Variants in CERKL observed in about 807,000 individuals in gnomAD.
CERKL encodes ceramide kinase-like protein.
Under a neutral mutation model 63.4 loss-of-function variants are expected in CERKL, and 61 were observed. The observed-to-expected ratio is 0.96, with a 90% CI of 0.78 to 1.19. CERKL has a LOEUF of 1.19. CERKL is among the 50% of genes most tolerant of loss of function. The pLI is 0.00. For synonymous variants in CERKL, 250 were observed against 230.5 expected (o/e 1.08, Z -0.77); for missense variants, 675 against 655.5 (o/e 1.03, Z -0.33).
intron 2 of CERKL, among the ~76,000 whole-genome samples, chr2:181,576,112 G>C (rs1368706177): frequency 6.6e-6 from 1 of 152,156 alleles, no homozygotes; most frequent in African/African-American, 2.4e-5. Flanking sequence ...CCAACTTCAT[G>C]AGTAATACTG....
intron 2 of CERKL, among the ~76,000 whole-genome samples, chr2:181,579,840 T>C (rs1182795166): frequency 6.6e-6 from 1 of 151,890 alleles, no homozygotes; most frequent in Non-Finnish European, 1.5e-5. Context: ...CATTGGAAAA[T>C]CCATCTTTCC....
intron 1 of CERKL, among the ~76,000 whole-genome samples, chr2:181,643,745 C>T (rs1198937082): frequency 6.6e-6 from 1 of 152,184 alleles, no homozygotes; most frequent in Non-Finnish European, 1.5e-5. Flanking sequence ...ATCTCTGTCA[C>T]AGAGATCCCT....
intron 1 of CERKL, among the ~76,000 whole-genome samples, chr2:181,622,256 G>A (rs749887086): frequency 1.7e-4 from 26 of 152,168 alleles, no homozygotes; most frequent in African/African-American, 2.7e-4. Flanking sequence ...AGCTCAAGCC[G>A]CATGCTCTTT....
chr2:181,594,637 T>C (rs1433528056), intron 2 of CERKL, among the ~76,000 whole-genome samples: 1 of 152,188 alleles, frequency 6.6e-6, no homozygotes, highest in African/African-American at 2.4e-5. Context: ...ATAACAAAGG[T>C]GTGAAACTAG....
intron 11 of CERKL, among the ~76,000 whole-genome samples, 193 bp from the exon 12 acceptor site, chr2:181,539,457 T>C (rs535097533): frequency 6.6e-6 from 1 of 152,268 alleles, no homozygotes; most frequent in African/African-American, 2.4e-5. Flanking sequence ...TTTTGGGTTC[T>C]TTTAGATCTA....
At chr2:181,565,962 A>AT (rs1396247586) in intron 4 of CERKL, 96 bp downstream of exon 4, 1 of 821,754 alleles carries the variant, frequency 1.2e-6, no homozygotes, top group Admixed American at 1.9e-5. Context: ...CACTACAAAT[A>AT]TTTTTAAATG....
intron 2 of CERKL, among the ~76,000 whole-genome samples, chr2:181,595,825 T>C (rs1162945858): frequency 2.0e-5 from 3 of 152,200 alleles, no homozygotes; most frequent in Non-Finnish European, 4.4e-5. Flanking sequence ...TTTATTTCCC[T>C]TCTTACATGA....
At chr2:181,539,596 T>A (rs896120737) in intron 11 of CERKL, among the ~76,000 whole-genome samples, 55 of 152,188 alleles carry the variant, frequency 3.6e-4, no homozygotes, top group African/African-American at 1.3e-3. Flanking sequence ...AGACATATAA[T>A]CCATTATCAA....
chr2:181,566,624 A>T (rs778564509), intron 3 of CERKL, among the ~76,000 whole-genome samples: 2 of 152,188 alleles, frequency 1.3e-5, no homozygotes, highest in African/African-American at 2.4e-5. Context: ...GGATGTGAAA[A>T]TACAAAGTAA....
chr2:181,643,301 TAAAC>T (rs138288175), intron 1 of CERKL, among the ~76,000 whole-genome samples: 81 of 152,336 alleles, frequency 5.3e-4, no homozygotes, highest in African/African-American at 1.9e-3. Context: ...TCAGACATGT[TAAAC>T]AACCTGTCCA....
At chr2:181,538,322 C>A in intron 12 of CERKL, 78 bp from the exon 13 acceptor site, 1 of 799,744 alleles carries the variant, frequency 1.3e-6, no homozygotes. Flanking sequence ...TACACAATGC[C>A]AATGCCAAAT....
chr2:181,605,230 G>C (rs10930972), intron 1 of CERKL, among the ~76,000 whole-genome samples: 20,828 of 152,146 alleles, frequency 0.14, 1,637 homozygotes, highest in East Asian at 0.25. Context: ...GTGGGGCCTG[G>C]TGATCTCCCT....
At chr2:181,584,364 T>C (rs1448838030) in intron 2 of CERKL, among the ~76,000 whole-genome samples, 1 of 151,714 alleles carries the variant, frequency 6.6e-6, no homozygotes, top group African/African-American at 2.4e-5. Flanking sequence ...AAAAAAAAGT[T>C]GGCTGGATAC....
At position 181,550,948 on chromosome 2, in the gene CERKL, C is replaced by G. The variant is rs1687957197; in HGVS notation, c.821-1240G>C. Among the ~76,000 whole-genome samples the G allele has an allele frequency of 1.3e-5, 2 of 152,184 alleles. No homozygotes were observed. Among genetic ancestry groups the G allele is most frequent in the South Asian group, 2.1e-4 (1 of 4,824 alleles). On this transcript the variant is annotated intron_variant, in intron 5 of 12. Transcript: ENST00000410087. The surrounding 1 kb of genome is among the most constrained non-coding windows in gnomAD (Gnocchi z 4.5). ...GCAAGTTATGCTGTGACCCTTGTTA[C>G]TCAAAATACGGCCTACTGTCAAACA...
intron 1 of CERKL, among the ~76,000 whole-genome samples, chr2:181,624,371 T>C (rs1280771637): frequency 2.2e-5 from 3 of 138,668 alleles, no homozygotes; most frequent in Non-Finnish European, 4.5e-5. Context: ...CTAGTAAAAG[T>C]TAAAAAAAAA....
intron 1 of CERKL, among the ~76,000 whole-genome samples, chr2:181,616,359 G>A (rs1483324720): frequency 2.6e-5 from 4 of 151,736 alleles, no homozygotes; most frequent in Non-Finnish European, 5.9e-5. Context: ...GACCACAGGC[G>A]CTCGCCACCA....
intron 1 of CERKL, among the ~76,000 whole-genome samples, chr2:181,620,139 G>A (rs1000025221): frequency 3.3e-5 from 5 of 152,130 alleles, no homozygotes; most frequent in African/African-American, 1.2e-4. Context: ...TGGACTGTAG[G>A]AACAGGATGA....
At chr2:181,640,168 A>T (rs1266247844) in intron 1 of CERKL, among the ~76,000 whole-genome samples, 1 of 152,010 alleles carries the variant, frequency 6.6e-6, no homozygotes, top group Non-Finnish European at 1.5e-5. Flanking sequence ...GTTTCCTCAT[A>T]TTCTGGTTTG....
At chr2:181,636,869 T>A (rs1687202444) in intron 1 of CERKL, among the ~76,000 whole-genome samples, 1 of 152,210 alleles carries the variant, frequency 6.6e-6, no homozygotes, top group Non-Finnish European at 1.5e-5. Context: ...TAATGCTCTG[T>A]AAGTACTAAG....
Sources: gnomAD v4.1 joint callset for allele counts (sites outside exome capture counted in the v4.1 genomes callset) on GRCh38, gnomAD v4.1.1 for gene constraint, Gnocchi (gnomAD v3.1) non-coding constraint, MANE v1.5 for transcripts, NCBI Gene and HGNC (gene_info 2026-07-23, HGNC 2026-07-21) for gene names.